Variants in HMBOX1 observed in about 807,000 individuals in gnomAD.
HMBOX1 encodes the protein homeobox-containing protein 1.
HMBOX1 carries 14 observed loss-of-function variants against 54.5 expected under a neutral mutation model. The ratio of observed to expected loss-of-function variants is 0.26; its 90% CI spans 0.17 to 0.40. The LOEUF (loss-of-function observed/expected upper bound fraction) is 0.40, where lower values mean the gene tolerates loss of function less well. HMBOX1 is among the 10% of genes least tolerant of loss of function. HMBOX1 has a pLI of 1.00. For missense variants in HMBOX1, 332 were observed against 514.4 expected (o/e 0.65, Z 3.43); for synonymous variants, 160 against 181.0 (o/e 0.88, Z 0.93).
At chr8:28,913,843 G>T (rs1815964437) in intron 1 of HMBOX1, among the ~76,000 whole-genome samples, 1 of 147,976 alleles carries the variant, frequency 6.8e-6, no homozygotes, top group African/African-American at 2.5e-5. Context: ...CACCTCCTGG[G>T]TTCAAGTGAT....
intron 5 of HMBOX1, among the ~76,000 whole-genome samples, chr8:29,017,494 C>T (rs1026018162): frequency 5.3e-5 from 8 of 152,088 alleles, no homozygotes; most frequent in African/African-American, 1.9e-4. Flanking sequence ...AAAGTAGTAG[C>T]AGTGCAAGGA....
intron 1 of HMBOX1, among the ~76,000 whole-genome samples, chr8:28,945,693 G>A (rs545390436): frequency 3.3e-5 from 5 of 152,174 alleles, no homozygotes; most frequent in South Asian, 2.1e-4. Context: ...ATGACCTATC[G>A]ATTATATTTT....
chr8:29,041,674 T>G (rs894802339), intron 6 of HMBOX1, among the ~76,000 whole-genome samples: 6 of 152,186 alleles, frequency 3.9e-5, no homozygotes, highest in African/African-American at 1.4e-4. Flanking sequence ...TGGATAAGAT[T>G]TGCACTGCGG....
chr8:29,006,435 A>T (rs559380125), intron 4 of HMBOX1, among the ~76,000 whole-genome samples: 1 of 152,280 alleles, frequency 6.6e-6, no homozygotes, highest in Admixed American at 6.5e-5. Flanking sequence ...CTAGTAAAAA[A>T]ATGCTAGGTC....
At chr8:28,985,772 C>T (rs1459971001) in intron 4 of HMBOX1, among the ~76,000 whole-genome samples, 1 of 152,112 alleles carries the variant, frequency 6.6e-6, no homozygotes, top group Non-Finnish European at 1.5e-5. Flanking sequence ...CATTAAAAAT[C>T]AACTAAAGTT....
intron 5 of HMBOX1, among the ~76,000 whole-genome samples, chr8:29,012,572 G>A (rs949770861): frequency 6.6e-6 from 1 of 152,194 alleles, no homozygotes; most frequent in Non-Finnish European, 1.5e-5. Flanking sequence ...GCTTATCTAA[G>A]CATAGAAATC....
rs11356150 is a variant in HMBOX1 at position 29,051,898 on chromosome 8, TAAAAAAAAA to T, written c.*755_*763del. The T allele has an allele frequency of 2.0e-3, 264 of 131,808 alleles. No individual in the cohort carries two copies. The highest frequency in any genetic ancestry group is 3.5e-3 in the Middle Eastern group (1 of 286). 8.2% of individuals were successfully genotyped at this position (131,808 alleles called of 1,614,324 possible). A position where few individuals can be genotyped will look rare whatever the true frequency, so the allele number is the denominator to read the frequency against. On this transcript the variant is annotated 3_prime_UTR_variant, in exon 10 of 10. Coordinates refer to ENST00000287701, the MANE Select transcript of HMBOX1 (RefSeq NM_001135726.3). ...AACAAAGACAAAAACCAAAAGTCAT[TAAAAAAAAA>T]AAAAAAAAAAACCCAGCTTGAGAGC...
At chr8:28,971,840 A>G (rs1466037840) in intron 3 of HMBOX1, among the ~76,000 whole-genome samples, 1 of 152,204 alleles carries the variant, frequency 6.6e-6, no homozygotes, top group African/African-American at 2.4e-5. Context: ...TTTCCACTAC[A>G]GTAGAAGGGA....
chr8:28,894,052 T>C (rs938461002), intron 1 of HMBOX1, among the ~76,000 whole-genome samples: 3 of 152,216 alleles, frequency 2.0e-5, no homozygotes, highest in African/African-American at 4.8e-5. Context: ...ATAGTGCTCA[T>C]TGAAAATGTG....
chr8:29,048,506 C>T (rs1028027577), intron 8 of HMBOX1: 1 of 152,334 alleles, frequency 6.6e-6, no homozygotes, highest in African/African-American at 2.4e-5. Flanking sequence ...TCTAAAATTG[C>T]ATTTCATTTC....
intron 6 of HMBOX1, chr8:29,042,735 G>C (rs565747434): frequency 2.2e-6 from 1 of 455,538 alleles, no homozygotes; most frequent in East Asian, 7.0e-5. Context: ...TGGAAGGACA[G>C]AAAAGCTAAA....
At chr8:29,023,809 T>A (rs1391122251) in intron 6 of HMBOX1, among the ~76,000 whole-genome samples, 1 of 152,166 alleles carries the variant, frequency 6.6e-6, no homozygotes, top group Non-Finnish European at 1.5e-5. Flanking sequence ...AGAGCATTGA[T>A]TATTAAATCT....
intron 1 of HMBOX1, among the ~76,000 whole-genome samples, chr8:28,959,471 C>T (rs772321074): frequency 3.9e-5 from 6 of 152,064 alleles, no homozygotes; most frequent in African/African-American, 1.2e-4. Flanking sequence ...GTAATATTCT[C>T]GGACCATGGT....
Position 29,019,411 on chromosome 8 carries a change from G to GT in HMBOX1, c.851+508dup, listed in dbSNP as rs201156453. 6.7e-4 allele frequency among the ~76,000 whole-genome samples: 100 copies of GT among 148,380 alleles called. No individual in the cohort carries two copies. In the East Asian group the frequency reaches 0.011, roughly 16 times the overall value. ...CCTGATCCATAGTAGGCACTCAGTGGTTTTTTTTTTAACCTGAATTTGACC... is the reference window on the plus strand; with the variant it reads ...CCTGATCCATAGTAGGCACTCAGTGGTTTTTTTTTTTAACCTGAATTTGACC... On this transcript the variant is annotated intron_variant, in intron 6 of 9. Coordinates refer to ENST00000287701, the MANE Select transcript of HMBOX1 (RefSeq NM_001135726.3).
intron 1 of HMBOX1, among the ~76,000 whole-genome samples, chr8:28,961,920 C>CT (rs35117256): frequency 0.58 from 67,884 of 116,892 alleles, 19,175 homozygotes; most frequent in East Asian, 0.67. Context: ...TTTCTTTTTT[C>CT]TTTTTTTTTT....
intron 1 of HMBOX1, among the ~76,000 whole-genome samples, chr8:28,900,428 T>A (rs990340197): frequency 2.0e-5 from 3 of 151,782 alleles, no homozygotes; most frequent in South Asian, 2.1e-4. Flanking sequence ...CAGCATAATG[T>A]CTACTTAGAA....
chr8:28,962,938 A>G (rs1825858310), intron 1 of HMBOX1, among the ~76,000 whole-genome samples: 1 of 152,096 alleles, frequency 6.6e-6, no homozygotes, highest in South Asian at 2.1e-4. Context: ...TCTTACTCAT[A>G]TTTAGTTCTT....
chr8:28,918,674 T>G (rs1023374938), intron 1 of HMBOX1, among the ~76,000 whole-genome samples: 1 of 152,236 alleles, frequency 6.6e-6, no homozygotes. Context: ...CGTGAAATGT[T>G]TGTGCTGTAT....
rs569173347 is a variant in HMBOX1 at position 29,012,560 on chromosome 8, A to G, written c.697+3378A>G. On this transcript the variant is annotated intron_variant, in intron 5 of 9. Transcript: ENST00000287701. ...GGAACACACACACATACACATGTAT[A>G]TGCTTATCTAAGCATAGAAATCTCT... is the stretch of plus-strand genomic sequence containing the variant. Among the ~76,000 whole-genome samples the G allele has an allele frequency of 5.2e-5, 8 of 152,386 alleles. No homozygotes were observed. In the East Asian group the frequency reaches 7.7e-4, roughly 15 times the overall value.
Sources: gnomAD v4.1 joint callset for allele counts (sites outside exome capture counted in the v4.1 genomes callset) on GRCh38, gnomAD v4.1.1 for gene constraint, MANE v1.5 for transcripts, NCBI Gene and HGNC (gene_info 2026-07-23, HGNC 2026-07-21) for gene names.